The following CRIM1 variants were observed in gnomAD, a reference collection of about 807,000 sequenced individuals.
CRIM1 encodes cysteine rich transmembrane BMP regulator 1.
In CRIM1, 32 loss-of-function variants were observed where a neutral mutation model predicts 116.4. The observed-to-expected ratio is 0.27, with a 90% CI of 0.21 to 0.37. The LOEUF is 0.37. Ranked by LOEUF, CRIM1 falls within the 10% of genes least tolerant of loss-of-function variation. CRIM1 has a pLI of 1.00. For missense variants in CRIM1, 1,331 were observed against 1,354.8 expected, an observed-to-expected ratio of 0.98 and a Z score of 0.28; for synonymous variants, 590 against 509.2, an observed-to-expected ratio of 1.16 and a Z score of -2.13.
intron 1 of CRIM1, among the ~76,000 whole-genome samples, chr2:36,377,865 G>A (rs1173939135): frequency 6.6e-6 from 1 of 152,186 alleles, no homozygotes; most frequent in Non-Finnish European, 1.5e-5. Flanking sequence ...GCTGCTGGCA[G>A]GGGAGTAGAA....
At chr2:36,460,029 T>A (rs975416683) in intron 4 of CRIM1, among the ~76,000 whole-genome samples, 2 of 151,834 alleles carry the variant, frequency 1.3e-5, no homozygotes, top group African/African-American at 2.4e-5. Flanking sequence ...CCTCTAGGGG[T>A]TTCCATGATT....
intron 2 of CRIM1, among the ~76,000 whole-genome samples, chr2:36,413,158 G>C (rs1383752400): frequency 1.3e-5 from 2 of 152,126 alleles, no homozygotes; most frequent in African/African-American, 4.8e-5. Context: ...ATGTTTGAAA[G>C]CGATACCAGG....
intron 4 of CRIM1, among the ~76,000 whole-genome samples, chr2:36,445,373 C>G (rs1676158461): frequency 6.6e-6 from 1 of 152,168 alleles, no homozygotes; most frequent in South Asian, 2.1e-4. Context: ...CATTCCATCT[C>G]TTTTCATATT....
intron 4 of CRIM1, among the ~76,000 whole-genome samples, chr2:36,443,401 T>G (rs1478021254): frequency 6.6e-6 from 1 of 152,126 alleles, no homozygotes; most frequent in Non-Finnish European, 1.5e-5. Context: ...CCTTCGTACT[T>G]GGCTTTGGGG....
At chr2:36,498,654 G>A (rs1399450933) in intron 7 of CRIM1, among the ~76,000 whole-genome samples, 1 of 152,122 alleles carries the variant, frequency 6.6e-6, no homozygotes, top group Middle Eastern at 3.2e-3. Flanking sequence ...TGGGCCCTGA[G>A]GATAAGTGTG....
chr2:36,426,359 T>G (rs1674448796), intron 2 of CRIM1, among the ~76,000 whole-genome samples: 1 of 152,226 alleles, frequency 6.6e-6, no homozygotes, highest in Non-Finnish European at 1.5e-5. Context: ...ATCTTGAAGG[T>G]CATTTGAGAT....
chr2:36,373,573 A>G (rs1572579735), intron 1 of CRIM1, among the ~76,000 whole-genome samples: 1 of 152,198 alleles, frequency 6.6e-6, no homozygotes, highest in Non-Finnish European at 1.5e-5. Context: ...TGATAGAGAA[A>G]GCAAACCGAT....
At chr2:36,409,760 C>T (rs1002196489) in intron 2 of CRIM1, among the ~76,000 whole-genome samples, 7 of 152,156 alleles carry the variant, frequency 4.6e-5, no homozygotes, top group African/African-American at 1.4e-4. Context: ...CTTCTTTGTT[C>T]TTTGTGAAAT....
intron 2 of CRIM1, among the ~76,000 whole-genome samples, chr2:36,408,900 T>C (rs980915715): frequency 6.6e-5 from 10 of 152,154 alleles, no homozygotes; most frequent in Non-Finnish European, 1.5e-4. Flanking sequence ...AATGTTCTTA[T>C]AATTTTATCA....
At chr2:36,459,275 C>T (rs1251659804) in intron 4 of CRIM1, among the ~76,000 whole-genome samples, 3 of 152,022 alleles carry the variant, frequency 2.0e-5, no homozygotes, top group Admixed American at 2.0e-4. Flanking sequence ...GAGTGGGTAC[C>T]CTGGCATCTG....
chr2:36,514,679 TCCTGTATCTC>T (rs1664920077), intron 11 of CRIM1, among the ~76,000 whole-genome samples: 1 of 152,210 alleles, frequency 6.6e-6, no homozygotes, highest in African/African-American at 2.4e-5. Flanking sequence ...TCAGTCCAGG[TCCTGTATCTC>T]CCTGTGCGTG....
chr2:36,522,603 A>G (rs1572922635), intron 13 of CRIM1, among the ~76,000 whole-genome samples: 1 of 151,990 alleles, frequency 6.6e-6, no homozygotes, highest in Non-Finnish European at 1.5e-5. Context: ...GGAGTTCAAG[A>G]CCAGCCTGGC....
chr2:36,472,071 C>T (rs1402220748), intron 5 of CRIM1, among the ~76,000 whole-genome samples: 1 of 152,160 alleles, frequency 6.6e-6, no homozygotes, highest in Non-Finnish European at 1.5e-5. Flanking sequence ...GGGAAGATCC[C>T]AGAACTTAGA....
intron 6 of CRIM1, among the ~76,000 whole-genome samples, chr2:36,478,992 C>G (rs1310050645): frequency 1.3e-5 from 2 of 152,188 alleles, no homozygotes; most frequent in East Asian, 3.9e-4. Flanking sequence ...TTGTCATGAA[C>G]AAGTCCACAG....
chr2:36,447,611 C>A (rs1676350423), intron 4 of CRIM1, among the ~76,000 whole-genome samples: 1 of 152,160 alleles, frequency 6.6e-6, no homozygotes, highest in African/African-American at 2.4e-5. Flanking sequence ...AGTTGCAAAG[C>A]CTTTGGAGAC....
chr2:36,394,120 G>GA (rs1671831610), intron 1 of CRIM1, among the ~76,000 whole-genome samples: 1 of 152,046 alleles, frequency 6.6e-6, no homozygotes, highest in African/African-American at 2.4e-5. Context: ...GTTTACTGTG[G>GA]AAAAAATTCT....
chr2:36,516,218 A>G (rs191760444), intron 11 of CRIM1, among the ~76,000 whole-genome samples: 246 of 152,210 alleles, frequency 1.6e-3, no homozygotes, highest in Non-Finnish European at 3.1e-3. Context: ...CATAGCCCCA[A>G]TTCACTCCTA....
intron 1 of CRIM1, among the ~76,000 whole-genome samples, chr2:36,387,050 C>T (rs752663045): frequency 7.9e-5 from 12 of 152,264 alleles, no homozygotes; most frequent in Non-Finnish European, 1.3e-4. Context: ...TATTCCATGC[C>T]GGGTACTCAA....
intron 7 of CRIM1, among the ~76,000 whole-genome samples, chr2:36,485,783 A>G (rs1679773863): frequency 6.6e-6 from 1 of 152,204 alleles, no homozygotes; most frequent in Admixed American, 6.5e-5. Context: ...TATGGGTGGT[A>G]TTGCTTCAGT....
Sources: gnomAD v4.1 joint callset for allele counts (sites outside exome capture counted in the v4.1 genomes callset) on GRCh38, gnomAD v4.1.1 for gene constraint, MANE v1.5 for transcripts, NCBI Gene and HGNC (gene_info 2026-07-23, HGNC 2026-07-21) for gene names.